Variants in HHAT observed in about 807,000 individuals in gnomAD.
The protein encoded by HHAT is protein-cysteine N-palmitoyltransferase HHAT.
Under a neutral mutation model 70.8 loss-of-function variants are expected in HHAT, and 47 were observed. The observed-to-expected ratio is 0.66, with a 90% confidence interval of 0.53 to 0.85. HHAT has a LOEUF of 0.85. Ranked by LOEUF, HHAT falls within the 40% of genes least tolerant of loss-of-function variation. The pLI is 0.00. For synonymous variants in HHAT, 228 were observed against 247.6 expected (o/e 0.92, Z 0.74); for missense variants, 609 against 604.8 (o/e 1.01, Z -0.07).
chr1:210,356,057 C>T (rs2087578263), intron 2 of HHAT, among the ~76,000 whole-genome samples: 1 of 151,758 alleles, frequency 6.6e-6, no homozygotes, highest in Non-Finnish European at 1.5e-5. Flanking sequence ...GCTAGGACTA[C>T]AGGCACACAG....
chr1:210,352,023 C>G (rs966342123), intron 2 of HHAT, among the ~76,000 whole-genome samples: 1 of 152,074 alleles, frequency 6.6e-6, no homozygotes, highest in Admixed American at 6.5e-5. Context: ...CACTGAGGCT[C>G]AAAAGTATTA....
At chr1:210,332,929 GT>G in intron 1 of HHAT, among the ~76,000 whole-genome samples, 1 of 152,302 alleles carries the variant, frequency 6.6e-6, no homozygotes, top group East Asian at 1.9e-4. Flanking sequence ...AGTGATGTTT[GT>G]TTTTTACTCA....
At chr1:210,529,277 C>T (rs2095286663) in intron 9 of HHAT, among the ~76,000 whole-genome samples, 1 of 150,988 alleles carries the variant, frequency 6.6e-6, no homozygotes, top group South Asian at 2.1e-4. Flanking sequence ...TGCACTCCAG[C>T]CTGGGCAACA....
rs76166828 is a variant in HHAT at position 210,465,398 on chromosome 1, A to C, written c.1007+743A>C. On this transcript the variant is annotated intron_variant, in intron 8 of 11. Transcript: ENST00000261458. ...GCTGTGTTCCTCTTATCGCTTCCAG[A>C]GTGTAACAAGTGACAGGATTGAGTT... 7.5e-3 allele frequency among the ~76,000 whole-genome samples: 1,135 copies of C among 152,264 alleles called. 12 individuals are homozygous for C. The highest frequency in any genetic ancestry group is 0.025 in the African/African-American group (1,030 of 41,544).
chr1:210,336,102 G>A (rs2085458498), intron 1 of HHAT, among the ~76,000 whole-genome samples: 2 of 150,090 alleles, frequency 1.3e-5, no homozygotes, highest in South Asian at 2.1e-4. Context: ...CTAGGAAAGG[G>A]CAGAAGGGGC....
At chr1:210,384,896 T>A (rs2090923480) in intron 3 of HHAT, among the ~76,000 whole-genome samples, 1 of 152,228 alleles carries the variant, frequency 6.6e-6, no homozygotes, top group African/African-American at 2.4e-5. Context: ...CTTGACCTAT[T>A]CATTGGCCCA....
At chr1:210,381,004 C>G (rs1426872203) in intron 3 of HHAT, among the ~76,000 whole-genome samples, 2 of 151,916 alleles carry the variant, frequency 1.3e-5, no homozygotes, top group African/African-American at 4.8e-5. Context: ...ATCAAATATG[C>G]TCTTAAAAAT....
intron 7 of HHAT, among the ~76,000 whole-genome samples, chr1:210,456,669 T>C (rs2093875258): frequency 6.6e-6 from 1 of 152,226 alleles, no homozygotes; most frequent in Non-Finnish European, 1.5e-5. Flanking sequence ...CCATTTGTCC[T>C]TCAGCAGGCC....
chr1:210,497,212 A>G (rs1359046691), intron 8 of HHAT, among the ~76,000 whole-genome samples: 2 of 152,228 alleles, frequency 1.3e-5, no homozygotes, highest in African/African-American at 4.8e-5. Flanking sequence ...AATCTTGTAG[A>G]ATAATTACAG....
At chr1:210,664,343 C>T (rs1397323743) in intron 11 of HHAT, among the ~76,000 whole-genome samples, 1 of 152,236 alleles carries the variant, frequency 6.6e-6, no homozygotes, top group African/African-American at 2.4e-5. Context: ...GCCACCTTAT[C>T]GTTTCCCCCT....
At chr1:210,607,093 A>G (rs1055489668) in intron 10 of HHAT, among the ~76,000 whole-genome samples, 1 of 152,004 alleles carries the variant, frequency 6.6e-6, no homozygotes, top group East Asian at 1.9e-4. Flanking sequence ...ATTTTTAACT[A>G]ATCTTCCTGT....
At position 210,561,945 on chromosome 1, in the gene HHAT, A is replaced by C. The variant is rs75563543; in HGVS notation, c.1044-25953A>C. On this transcript the variant is annotated intron_variant, in intron 9 of 11. Coordinates refer to ENST00000261458, the MANE Select transcript of HHAT (RefSeq NM_018194.6). Reference sequence around the variant, plus strand: ...GCCTGACACCTGATAGTCACTTACTAACTCCTTCCAGTGCATAGTGGCTGC... The same window carrying C: ...GCCTGACACCTGATAGTCACTTACTCACTCCTTCCAGTGCATAGTGGCTGC... Among the ~76,000 whole-genome samples the C allele has an allele frequency of 8.2e-3, 1,252 of 152,272 alleles. 58 individuals carry two copies. Among genetic ancestry groups the C allele is most frequent in the Admixed American group, 0.064 (976 of 15,298 alleles).
intron 9 of HHAT, among the ~76,000 whole-genome samples, chr1:210,533,123 T>C (rs1486923748): frequency 6.6e-6 from 1 of 152,206 alleles, no homozygotes; most frequent in African/African-American, 2.4e-5. Context: ...TCAATATAAA[T>C]GTCTTGAATG....
intron 10 of HHAT, chr1:210,588,609 A>AT (rs918508390): frequency 6.5e-6 from 1 of 152,974 alleles, no homozygotes; most frequent in Admixed American, 6.5e-5. Context: ...TATTCTAAAG[A>AT]TTTTTTGCAA....
intron 6 of HHAT, among the ~76,000 whole-genome samples, chr1:210,416,089 G>A (rs1405574836): frequency 6.6e-6 from 1 of 152,202 alleles, no homozygotes; most frequent in East Asian, 1.9e-4. Context: ...TCTTAGCCTG[G>A]CTTCTTGTTG....
chr1:210,556,847 G>A (rs981204355), intron 9 of HHAT, among the ~76,000 whole-genome samples: 4 of 152,138 alleles, frequency 2.6e-5, no homozygotes, highest in African/African-American at 9.7e-5. Flanking sequence ...GTAAAGTAAG[G>A]ATATAAGAGT....
intron 3 of HHAT, among the ~76,000 whole-genome samples, 168 bp downstream of exon 3, chr1:210,363,087 A>G (rs936140976): frequency 6.6e-6 from 1 of 152,168 alleles, no homozygotes; most frequent in African/African-American, 2.4e-5. Flanking sequence ...AGGCGTTCCC[A>G]GGGTCTCTAT....
At chr1:210,554,038 A>AT (rs2095551106) in intron 9 of HHAT, among the ~76,000 whole-genome samples, 1 of 152,206 alleles carries the variant, frequency 6.6e-6, no homozygotes, top group South Asian at 2.1e-4. Flanking sequence ...ATGGGCACGC[A>AT]AAGCCTGCAG....
At position 210,348,918 on chromosome 1, in the gene HHAT, G is replaced by A. The variant is rs138242535; in HGVS notation, c.-43-15G>A. The A allele has an allele frequency of 5.2e-5, 83 of 1,598,106 alleles. No homozygotes were observed. The Admixed American group carries it at 7.6e-4, about 15-fold the overall frequency. ...TGTCATGTTCATGGCTTAAAGTTTT[G>A]TCTCTGTTTCTCAGAAACTCTCAGC... On this transcript the variant is annotated splice_polypyrimidine_tract_variant and intron_variant, in intron 1 of 11. Transcript: ENST00000261458.
Sources: gnomAD v4.1 joint callset for allele counts (sites outside exome capture counted in the v4.1 genomes callset) on GRCh38, gnomAD v4.1.1 for gene constraint, MANE v1.5 for transcripts, NCBI Gene and HGNC (gene_info 2026-07-23, HGNC 2026-07-21) for gene names.